The following ADAM19 variants were observed in gnomAD, a reference collection of about 807,000 sequenced individuals.
ADAM19 encodes disintegrin and metalloproteinase domain-containing protein 19.
Under a neutral mutation model 114.7 loss-of-function variants are expected in ADAM19, and 65 were observed. The observed-to-expected ratio is 0.57, with a 90% CI of 0.46 to 0.70. ADAM19 has a LOEUF of 0.70. Ranked by LOEUF, ADAM19 falls within the 30% of genes least tolerant of loss-of-function variation. The pLI is 0.00. For synonymous variants in ADAM19, 466 were observed against 460.5 expected (o/e 1.01, Z -0.15); for missense variants, 1,063 against 1,204.7 (o/e 0.88, Z 1.74).
Position 157,509,434 on chromosome 5 carries a change from C to T in ADAM19, c.772G>A (p.Val258Met), listed in dbSNP as rs1269548513. 7.5e-6 allele frequency: 12 copies of T among 1,608,672 alleles called. No individual in the cohort carries two copies. Among genetic ancestry groups the T allele is most frequent in the African/African-American group, 2.7e-5 (2 of 74,834 alleles). The change falls in exon 9 of 23, where the codon GTG (valine) becomes ATG (methionine). Residue 258 changes from valine (V) to methionine (M), a missense_variant. Transcript: ENST00000257527. ...CCGTGGGTCCACACTTCCAAGCCCA[C>T]GAGAGCAATCCGGATGTTCAAGGAT... Reference protein sequence around the residue: ...YRSLNIRIALVGLEVWTHGNM... With the variant: ...YRSLNIRIALMGLEVWTHGNM...
intron 3 of ADAM19, among the ~76,000 whole-genome samples, chr5:157,555,425 T>C (rs1757340541): frequency 6.6e-6 from 1 of 152,160 alleles, no homozygotes; most frequent in South Asian, 2.1e-4. Flanking sequence ...ACCCGGAACT[T>C]GGGTAATGTA....
chr5:157,569,804 A>C (rs1397551928), intron 2 of ADAM19, among the ~76,000 whole-genome samples: 1 of 152,114 alleles, frequency 6.6e-6, no homozygotes, highest in Non-Finnish European at 1.5e-5. Context: ...ATCTTAGAAA[A>C]AACCCCTCTC....
intron 5 of ADAM19, among the ~76,000 whole-genome samples, chr5:157,520,515 G>C (rs1289770285): frequency 1.3e-5 from 2 of 152,212 alleles, no homozygotes; most frequent in African/African-American, 4.8e-5. Flanking sequence ...AGAAAGAACA[G>C]TGGCCTGCAA....
intron 1 of ADAM19, among the ~76,000 whole-genome samples, chr5:157,573,836 A>G (rs1370386747): frequency 6.6e-6 from 1 of 152,156 alleles, no homozygotes; most frequent in Admixed American, 6.5e-5. Flanking sequence ...GGCATCCACC[A>G]TTTCTGCATC....
intron 11 of ADAM19, among the ~76,000 whole-genome samples, chr5:157,503,895 G>A (rs1414590600): frequency 6.6e-6 from 1 of 152,180 alleles, no homozygotes; most frequent in African/African-American, 2.4e-5. Context: ...AGTATGGAAG[G>A]TCCTGGGTCC....
chr5:157,481,694 C>A, intron 22 of ADAM19, 97 bp downstream of exon 22: 1 of 1,551,826 alleles, frequency 6.4e-7, no homozygotes, highest in Non-Finnish European at 8.7e-7. Flanking sequence ...GTCCAGACCA[C>A]AAGAAGCATG....
chr5:157,575,722 C>A lies in ADAM19; in HGVS notation c.-26G>T, dbSNP rs1204802103. ...GGTGGCGGCGGCCCTTAGCGCTCGG[C>A]GCTCACACGCCCTCAGCCATACCTG... On this transcript the variant is annotated 5_prime_UTR_variant, in exon 1 of 23. Transcript: ENST00000257527. The A allele has an allele frequency of 3.8e-6, 5 of 1,305,426 alleles. No individual in the cohort carries two copies. The highest frequency in any genetic ancestry group is 4.9e-6 in the Non-Finnish European group (5 of 1,027,948). 80.9% of individuals were successfully genotyped at this position (1,305,426 alleles called of 1,614,324 possible).
chr5:157,508,732 G>T (rs1050975539), intron 9 of ADAM19, among the ~76,000 whole-genome samples: 1 of 152,140 alleles, frequency 6.6e-6, no homozygotes. Context: ...ACTGTCACAT[G>T]TGACCCCCAT....
intron 3 of ADAM19, among the ~76,000 whole-genome samples, chr5:157,557,604 C>A (rs1235597493): frequency 6.6e-6 from 1 of 152,146 alleles, no homozygotes; most frequent in African/African-American, 2.4e-5. Context: ...ACCTGGGTAG[C>A]AAATAAGCAA....
rs1280901845 is a variant in ADAM19 at position 157,479,795 on chromosome 5, G to A, written c.*1154C>T. 1.0e-6 allele frequency: 1 copy of A among 985,506 alleles called. No homozygotes were observed. Among genetic ancestry groups the A allele is most frequent in the Admixed American group, 6.2e-5 (1 of 16,258 alleles). 61.0% of individuals were successfully genotyped at this position (985,506 alleles called of 1,614,324 possible). On this transcript the variant is annotated 3_prime_UTR_variant, in exon 23 of 23. Coordinates refer to ENST00000257527, the MANE Select transcript of ADAM19 (RefSeq NM_033274.5). ...GAAATGGGTCTGTTCTCTGCTCAGAGGGCAACGGTCCAGCCCGAAGTCAAT... is the reference window on the plus strand; with the variant it reads ...GAAATGGGTCTGTTCTCTGCTCAGAAGGCAACGGTCCAGCCCGAAGTCAAT...
Position 157,488,413 on chromosome 5 carries a change from C to A in ADAM19, c.2402G>T (p.Gly801Val). 1 of 1,613,800 alleles carries A rather than the reference C, an allele frequency of 6.2e-7. No individual in the cohort carries two copies. Among genetic ancestry groups the A allele is most frequent in the Non-Finnish European group, 8.5e-7 (1 of 1,179,860 alleles). Residue 801 changes from glycine (G) to valine (V), a missense_variant, in exon 21 of 23, where the codon GGG (glycine) becomes GTG (valine). By Grantham distance (109) the Gly-to-Val change is moderately radical. Transcript: ENST00000257527. ...AGCTGGCAGTGGTGCAGGTGGGGACCCACCACGCAGATAATCTGGAGGGGG... is the reference window on the plus strand; with the variant it reads ...AGCTGGCAGTGGTGCAGGTGGGGACACACCACGCAGATAATCTGGAGGGGG... ...PRPPPDYLRG[G>V]SPPAPLPAHL...
At chr5:157,566,447 T>C (rs888302753) in intron 2 of ADAM19, 1 of 152,240 alleles carries the variant, frequency 6.6e-6, no homozygotes, top group Non-Finnish European at 1.5e-5. Flanking sequence ...TACAATTGCT[T>C]TCACAGTTTA....
intron 13 of ADAM19, among the ~76,000 whole-genome samples, chr5:157,497,570 TAC>T (rs5872512): frequency 0.01 from 1,212 of 116,572 alleles, 12 homozygotes; most frequent in African/African-American, 0.04. Flanking sequence ...GGCCCACTAA[TAC>T]ACACACACAC....
chr5:157,494,266 T>C (rs1755275745), intron 15 of ADAM19, among the ~76,000 whole-genome samples: 1 of 150,532 alleles, frequency 6.6e-6, no homozygotes, highest in African/African-American at 2.5e-5. Flanking sequence ...GATGGATAGA[T>C]GGATGGATGG....
chr5:157,540,562 A>G (rs1018403902), intron 3 of ADAM19, among the ~76,000 whole-genome samples: 2 of 152,174 alleles, frequency 1.3e-5, no homozygotes, highest in Admixed American at 6.5e-5. Flanking sequence ...TCAAACCCCA[A>G]TTACACTGTG....
intron 3 of ADAM19, among the ~76,000 whole-genome samples, chr5:157,554,752 G>A (rs1757317759): frequency 1.3e-5 from 2 of 152,210 alleles, no homozygotes; most frequent in African/African-American, 2.4e-5. Context: ...CAGGCACCCT[G>A]TAAATCCTTT....
chr5:157,501,787 G>A (rs867074299), intron 12 of ADAM19, among the ~76,000 whole-genome samples: 2 of 152,074 alleles, frequency 1.3e-5, no homozygotes, highest in East Asian at 1.9e-4. Flanking sequence ...GGTGGCTCAC[G>A]CCTGCAATCC....
chr5:157,494,201 TG>T (rs1755270540), intron 15 of ADAM19, among the ~76,000 whole-genome samples: 1 of 151,102 alleles, frequency 6.6e-6, no homozygotes. Context: ...AGTGGGTGAG[TG>T]GGTGGTGGAG....
At chr5:157,483,571 C>G (rs1754831168) in intron 21 of ADAM19, among the ~76,000 whole-genome samples, 1 of 151,550 alleles carries the variant, frequency 6.6e-6, no homozygotes, top group Non-Finnish European at 1.5e-5. Context: ...AGGAAGGATA[C>G]AGACCAAAGA....
Sources: allele counts gnomAD v4.1 joint callset (sites outside exome capture counted in the v4.1 genomes callset), GRCh38; gene constraint gnomAD v4.1.1; transcripts MANE v1.5; gene names NCBI Gene and HGNC (gene_info 2026-07-23, HGNC 2026-07-21).